Variants in EP400 observed in about 807,000 individuals in gnomAD.
The protein encoded by EP400 is E1A-binding protein p400.
EP400 carries 105 observed loss-of-function variants against 354.1 expected under a neutral mutation model. The observed-to-expected ratio is 0.30, with a 90% CI of 0.25 to 0.35. The LOEUF (loss-of-function observed/expected upper bound fraction) is 0.35. EP400 is among the 10% of genes least tolerant of loss of function. The probability of loss-of-function intolerance (pLI) is 1.00; values close to 1 mark genes in which losing one functional copy is unlikely to be tolerated. For synonymous variants in EP400, 1,646 were observed against 1,716.9 expected (o/e 0.96, Z 1.02); for missense variants, 3,280 against 4,121.0 (o/e 0.80, Z 5.59).
Position 132,077,746 on chromosome 12 carries a change from T to A in EP400, c.*73T>A. On this transcript the variant is annotated 3_prime_UTR_variant, in exon 53 of 53. Coordinates refer to ENST00000389561, the MANE Select transcript of EP400 (RefSeq NM_015409.5). ...ACAGAAAACGCTTTATTAGTGAACC[T>A]TGGGACCATGTCACGCAAGAGATTC... The A allele has an allele frequency of 2.7e-6, 4 of 1,460,346 alleles. No individual in the cohort carries two copies. Among genetic ancestry groups the A allele is most frequent in the Non-Finnish European group, 3.6e-6 (4 of 1,101,794 alleles). 90.5% of individuals were successfully genotyped at this position (1,460,346 alleles called of 1,614,324 possible).
chr12:132,025,528 T>C lies in EP400; in HGVS notation c.4856-118T>C, dbSNP rs1894275520. 8.2e-7 allele frequency: 1 copy of C among 1,218,186 alleles called. No individual in the cohort carries two copies. The highest frequency in any genetic ancestry group is 3.1e-5 in the Admixed American group (1 of 32,140). The allele number at this position is 1,218,186 out of a possible 1,614,324, so 75.5% of individuals were successfully genotyped here. The stretch of plus-strand genomic sequence containing the variant: ...TAACTGAACTTTGCATTGATTTTTT[T>C]GTGTAGATTTGATTTTCAGTTTGTC... On this transcript the variant is annotated intron_variant, in intron 24 of 52. Coordinates refer to ENST00000389561, the MANE Select transcript of EP400 (RefSeq NM_015409.5). This position sits in a 1 kb window ranked among gnomAD's most constrained non-coding sequence, Gnocchi z 4.1.
intron 39 of EP400, among the ~76,000 whole-genome samples, chr12:132,048,904 A>G (rs1433967118): frequency 3.9e-5 from 6 of 152,214 alleles, no homozygotes; most frequent in African/African-American, 1.4e-4. Context: ...GTGCACAGAA[A>G]CATAGAGTAA....
rs746220505 is a variant in EP400, at chr12:132,032,126, A to G, written c.5928A>G (p.Arg1976=). The G allele has an allele frequency of 1.2e-6, 2 of 1,613,438 alleles. No homozygotes were observed. Among genetic ancestry groups the G allele is most frequent in the African/African-American group, 1.3e-5 (1 of 74,880 alleles). ...KAQEWCDRIG[R]CKDIHIYRLV... is the part of the protein sequence containing the mutation. Reference sequence around the variant, plus strand: ...AGGAGTGGTGCGATAGGATCGGGAGATGCAAAGACATCCACATATACAGGT... The same window carrying G: ...AGGAGTGGTGCGATAGGATCGGGAGGTGCAAAGACATCCACATATACAGGT... The change falls in exon 30 of 53, where the codon AGA becomes AGG. Residue 1976 remains arginine, a synonymous_variant. Coordinates refer to ENST00000389561, the MANE Select transcript of EP400 (RefSeq NM_015409.5).
At chr12:132,059,916 G>A (rs1402609828) in intron 45 of EP400, among the ~76,000 whole-genome samples, 1 of 151,918 alleles carries the variant, frequency 6.6e-6, no homozygotes, top group East Asian at 1.9e-4. Context: ...CCAGCTACTC[G>A]GGAGGCTGAG....
In EP400 at chr12:132,017,547, C is replaced by T; in HGVS notation, c.3936C>T (p.Ala1312=). ...TCTCCACGGGCAGCACTCAGGAGGC[C>T]TTGAAGAGCGGGCACTTTGTCAACG... ...DVILQPGTQE[A]LKSGHFVNVL... The change falls in exon 20 of 53, where the codon GCC becomes GCT. Residue 1312 remains alanine (A), a synonymous_variant. Coordinates refer to ENST00000389561, the MANE Select transcript of EP400 (RefSeq NM_015409.5). The surrounding 1 kb of genome is among the most constrained non-coding windows in gnomAD (Gnocchi z 5.0). 6.2e-7 allele frequency: 1 copy of T among 1,614,018 alleles called. No homozygotes were observed. The highest frequency in any genetic ancestry group is 8.5e-7 in the Non-Finnish European group (1 of 1,179,978).
chr12:131,961,722 G>T lies in EP400; in HGVS notation c.1103G>T (p.Cys368Phe). The T allele has an allele frequency of 6.2e-7, 1 of 1,614,258 alleles. No homozygotes were observed. The highest frequency in any genetic ancestry group is 8.5e-7 in the Non-Finnish European group (1 of 1,180,044). The change falls in exon 2 of 53, where the codon TGC becomes TTC. Residue 368 changes from cysteine (C) to phenylalanine (F), a missense_variant. Physicochemically the swap from Cys to Phe is radical, Grantham distance 205. This residue lies in a region of EP400 where 85 missense variants were observed against 180.3 expected (regional missense o/e 0.47). Transcript: ENST00000389561. The stretch of plus-strand genomic sequence containing the variant: ...GAGATGGCACAGATGAGGAAGCAGT[G>T]CCTGGACTATCATTACCAGGAGATG... ...SPEMAQMRKQCLDYHYQEMQA... is the reference protein window; with the variant it reads ...SPEMAQMRKQFLDYHYQEMQA...
rs58724167 is a variant in EP400, at chr12:132,073,459, C to CTTTTTTTTTTTTTTTTTT, written c.9022-3043_9022-3042insTTTTTTTTTTTTTTTTTT. On this transcript the variant is annotated intron_variant, in intron 51 of 52. Transcript: ENST00000389561. ...GTGCGTTTTAATTCTGTCCCTTTTC[C>CTTTTTTTTTTTTTTTTTT]TTTTTTTTTTTTTTGACACAGTCTT... is the stretch of plus-strand genomic sequence containing the variant. Among the ~76,000 whole-genome samples the CTTTTTTTTTTTTTTTTTT allele has an allele frequency of 3.6e-3, 426 of 117,564 alleles. 26 individuals carry two copies. The highest frequency in any genetic ancestry group is 4.9e-3 in the African/African-American group (112 of 22,636). The allele number at this position is 117,564 out of a possible 152,430, so 77.1% of individuals were successfully genotyped here.
rs768927134 is a variant in EP400, at chr12:132,064,023, GA to G, written c.8335-644del. On this transcript the variant is annotated intron_variant, in intron 47 of 52. Coordinates refer to ENST00000389561, the MANE Select transcript of EP400 (RefSeq NM_015409.5). ...CACCTGCCCCGGTTCAACCACTGAT[GA>G]CCCCCCCCCGGCCCACAGCCACACA... 7.2e-3 allele frequency among the ~76,000 whole-genome samples: 652 copies of G among 90,358 alleles called. 21 individuals carry two copies. The highest frequency in any genetic ancestry group is 0.061 in the South Asian group (182 of 2,962). 59.3% of individuals were successfully genotyped at this position (90,358 alleles called of 152,430 possible).
At chr12:131,966,885 CAA>C (rs1892111784) in intron 2 of EP400, among the ~76,000 whole-genome samples, 1 of 101,884 alleles carries the variant, frequency 9.8e-6, no homozygotes, top group African/African-American at 4.0e-5. Context: ...GCCTGGGTGA[CAA>C]GAGTGAGACT....
intron 2 of EP400, chr12:131,963,419 A>G: frequency 4.1e-6 from 3 of 740,708 alleles, no homozygotes; most frequent in Non-Finnish European, 6.8e-6. Flanking sequence ...ATGCAAAAAC[A>G]TTCCATTTTT....
chr12:132,021,260 C>T lies in EP400; in HGVS notation c.4629C>T (p.Ala1543=), dbSNP rs926038234. 80 of 1,537,484 alleles carry T rather than the reference C, an allele frequency of 5.2e-5. No homozygotes were observed. The highest frequency in any genetic ancestry group is 6.5e-5 in the Non-Finnish European group (75 of 1,147,860). The change falls in exon 23 of 53, where the codon GCC becomes GCT. Residue 1543 remains alanine (A), a synonymous_variant. Coordinates refer to ENST00000389561, the MANE Select transcript of EP400 (RefSeq NM_015409.5). Reference sequence around the variant, plus strand: ...AGCCCCAGGCCCCCTCGCACGCGGCCGGGCAGAGCGCGCTGCCTCAGAGGC... The same window carrying T: ...AGCCCCAGGCCCCCTCGCACGCGGCTGGGCAGAGCGCGCTGCCTCAGAGGC... ...PPQPQAPSHA[A]GQSALPQRLV...
rs1451869263 is a variant in EP400, at chr12:131,960,884, A to T, written c.265A>T (p.Ile89Phe). The stretch of plus-strand genomic sequence containing the variant: ...CCCTGTCGTCGGGGGAAACCAGCAG[A>T]TCACACTGGCCCCACTGCCGCTCCC... The part of the protein sequence containing the change: ...VGPVVGGNQQ[I>F]TLAPLPLPSP... Residue 89 changes from isoleucine (I) to phenylalanine (F), a missense_variant, in exon 2 of 53, where the codon ATC becomes TTC. By Grantham distance (21) the Ile-to-Phe change is conservative. Around this residue, in one of 20 missense-constraint regions of EP400, gnomAD observed 172 missense variants for 242.9 expected, o/e 0.71. Coordinates refer to ENST00000389561, the MANE Select transcript of EP400 (RefSeq NM_015409.5). 6.2e-7 allele frequency: 1 copy of T among 1,614,006 alleles called. No homozygotes were observed. The highest frequency in any genetic ancestry group is 1.1e-5 in the South Asian group (1 of 91,072).
At chr12:132,015,528 A>G (rs761546258) in intron 19 of EP400, among the ~76,000 whole-genome samples, 3 of 152,166 alleles carry the variant, frequency 2.0e-5, no homozygotes, top group Non-Finnish European at 4.4e-5. Context: ...AGTCCGACCC[A>G]TTGCCCTTCT....
At chr12:132,039,455 C>T (rs1482970383) in intron 32 of EP400, among the ~76,000 whole-genome samples, 5 of 152,046 alleles carry the variant, frequency 3.3e-5, no homozygotes, top group South Asian at 2.1e-4. Context: ...CTGGCCCTCA[C>T]AGGACGAACA....
At chr12:131,960,264 G>A (rs1405016201) in intron 1 of EP400, among the ~76,000 whole-genome samples, 2 of 152,210 alleles carry the variant, frequency 1.3e-5, no homozygotes, top group Admixed American at 1.3e-4. Context: ...CTACCCCACA[G>A]GGCGGCCATG....
chr12:131,958,900 C>A (rs373784096), intron 1 of EP400, among the ~76,000 whole-genome samples: 1 of 152,176 alleles, frequency 6.6e-6, no homozygotes, highest in Admixed American at 6.5e-5. Flanking sequence ...GATGTCCTTG[C>A]GATGAACAAG....
intron 32 of EP400, among the ~76,000 whole-genome samples, chr12:132,042,617 A>G (rs563777233): frequency 8.5e-5 from 13 of 152,324 alleles, no homozygotes; most frequent in Non-Finnish European, 1.3e-4. Flanking sequence ...GTTTTGCCAG[A>G]TTGCCCTGGA....
At chr12:132,005,831 A>G (rs1378812412) in intron 13 of EP400, among the ~76,000 whole-genome samples, 1 of 152,056 alleles carries the variant, frequency 6.6e-6, no homozygotes, top group East Asian at 1.9e-4. Context: ...ACCAGCTCCT[A>G]ATTGCTATGG....
chr12:132,006,904 A>G (rs770989258), intron 15 of EP400, 27 bp downstream of exon 15: 1 of 1,613,302 alleles, frequency 6.2e-7, no homozygotes, highest in East Asian at 2.2e-5. Context: ...TTTTTTAACA[A>G]TACCTATTTG....
Sources: allele counts gnomAD v4.1 joint callset (sites outside exome capture counted in the v4.1 genomes callset), GRCh38; gene constraint gnomAD v4.1.1; regional missense constraint gnomAD v4.1.1; non-coding constraint Gnocchi (gnomAD v3.1); transcripts MANE v1.5; gene names NCBI Gene and HGNC (gene_info 2026-07-23, HGNC 2026-07-21).